Variants in MTR observed in about 807,000 individuals in gnomAD.
The protein encoded by MTR is methionine synthase.
MTR carries 84 observed loss-of-function variants against 154.8 expected under a neutral mutation model. The ratio of observed to expected loss-of-function variants is 0.54; its 90% CI spans 0.45 to 0.65. The LOEUF is 0.65. MTR is among the 30% of genes least tolerant of loss of function. The pLI is 0.00. For synonymous variants in MTR, 554 were observed against 553.9 expected (o/e 1.00, Z 0.00); for missense variants, 1,275 against 1,570.2 (o/e 0.81, Z 3.18).
intron 29 of MTR, among the ~76,000 whole-genome samples, chr1:236,893,347 G>A (rs1224431538): frequency 6.6e-6 from 1 of 152,206 alleles, no homozygotes; most frequent in Non-Finnish European, 1.5e-5. Context: ...GCAACGAGCT[G>A]TGAAGTGTGT....
intron 28 of MTR, 130 bp from the exon 29 acceptor site, chr1:236,891,003 G>A (rs1666285720): frequency 9.2e-7 from 1 of 1,088,820 alleles, no homozygotes. Flanking sequence ...ACACCAGAAA[G>A]CATTTGAGGA....
At chr1:236,807,483 A>G (rs1248728577) in intron 3 of MTR, among the ~76,000 whole-genome samples, 1 of 152,108 alleles carries the variant, frequency 6.6e-6, no homozygotes, top group Non-Finnish European at 1.5e-5. Context: ...CGGCTGTACC[A>G]TTTTACATTC....
At chr1:236,807,321 G>T (rs1429357410) in intron 3 of MTR, among the ~76,000 whole-genome samples, 1 of 152,112 alleles carries the variant, frequency 6.6e-6, no homozygotes, top group Admixed American at 6.5e-5. Context: ...CTACAGGCTT[G>T]CTCTACCATG....
rs542190421 is a variant in MTR, at chr1:236,795,367, G to T, written c.-337G>T. The T allele has an allele frequency of 1.5e-6, 2 of 1,369,430 alleles. No individual in the cohort carries two copies. Among genetic ancestry groups the T allele is most frequent in the Non-Finnish European group, 9.6e-7 (1 of 1,040,648 alleles). 84.8% of individuals were successfully genotyped at this position (1,369,430 alleles called of 1,614,324 possible). ...GGATGTCACGTCGTCCTCCTCTGCCGGTTTTCTCTTGGGTCCTTTTCCGTG... is the reference window on the plus strand; with the variant it reads ...GGATGTCACGTCGTCCTCCTCTGCCTGTTTTCTCTTGGGTCCTTTTCCGTG... On this transcript the variant is annotated 5_prime_UTR_variant, in exon 1 of 33. Transcript: ENST00000366577.
At chr1:236,808,842 C>T in intron 4 of MTR, 69 bp downstream of exon 4, 1 of 1,441,894 alleles carries the variant, frequency 6.9e-7, no homozygotes, top group South Asian at 1.1e-5. Context: ...ATGTGCTGTC[C>T]TTATTGCAGT....
intron 12 of MTR, among the ~76,000 whole-genome samples, chr1:236,831,638 C>G (rs1662618543): frequency 6.6e-6 from 1 of 152,204 alleles, no homozygotes; most frequent in Non-Finnish European, 1.5e-5. Context: ...TTGCCTCAGC[C>G]TCTTGGTTAA....
chr1:236,836,352 T>G (rs1420623907), intron 14 of MTR, among the ~76,000 whole-genome samples: 1 of 151,976 alleles, frequency 6.6e-6, no homozygotes, highest in Middle Eastern at 3.2e-3. Flanking sequence ...ACCTCAGGCT[T>G]CTCCCACTTC....
chr1:236,896,877 T>C, intron 31 of MTR, 129 bp from the exon 32 acceptor site: 1 of 778,856 alleles, frequency 1.3e-6, no homozygotes, highest in Non-Finnish European at 2.3e-6. Context: ...CTGTGTCATG[T>C]GTCTACCTAG....
chr1:236,897,664 T>G lies in MTR; in HGVS notation c.*20T>G. ...GACTAACTTTTTTTTTTTTTTTGCC[T>G]TTTTTATTCTTGATGATCCTCAAGG... is the stretch of plus-strand genomic sequence containing the variant. On this transcript the variant is annotated 3_prime_UTR_variant, in exon 33 of 33. Coordinates refer to ENST00000366577, the MANE Select transcript of MTR (RefSeq NM_000254.3). 3 of 1,573,058 alleles carry G rather than the reference T, an allele frequency of 1.9e-6. No individual in the cohort carries two copies. Among genetic ancestry groups the G allele is most frequent in the Non-Finnish European group, 2.6e-6 (3 of 1,143,904 alleles).
chr1:236,809,686 G>T (rs974464523), intron 4 of MTR, among the ~76,000 whole-genome samples: 1 of 152,254 alleles, frequency 6.6e-6, no homozygotes, highest in African/African-American at 2.4e-5. Flanking sequence ...GAATATTTGG[G>T]CCTGTAACCT....
At chr1:236,835,708 A>T in intron 14 of MTR, 21 bp downstream of exon 14, 1 of 1,613,478 alleles carries the variant, frequency 6.2e-7, no homozygotes, top group South Asian at 1.1e-5. Flanking sequence ...GTTTATGTTT[A>T]TCAGGGGGAT....
Position 236,873,832 on chromosome 1 carries a change from A to G in MTR, c.2465A>G (p.His822Arg). 2 of 1,613,982 alleles carry G rather than the reference A, an allele frequency of 1.2e-6. No homozygotes were observed. The highest frequency in any genetic ancestry group is 1.7e-6 in the Non-Finnish European group (2 of 1,179,830). The stretch of plus-strand genomic sequence containing the variant: ...AAGATACTGAAAGCTGCTCTTGACC[A>G]CAAAGCAGGTACTGTGCAACTATAC... ...CDKILKAALD[H>R]KADIIGLSGL... The change falls in exon 23 of 33, where the codon CAC becomes CGC. Residue 822 changes from histidine (H) to arginine (R), a missense_variant. His to Arg is a conservative substitution (Grantham distance 29). Coordinates refer to ENST00000366577, the MANE Select transcript of MTR (RefSeq NM_000254.3).
At chr1:236,893,779 A>T (rs1666465777) in intron 29 of MTR, among the ~76,000 whole-genome samples, 1 of 152,098 alleles carries the variant, frequency 6.6e-6, no homozygotes, top group East Asian at 1.9e-4. Flanking sequence ...AATCCTGCTG[A>T]ATTCTTGGTT....
intron 15 of MTR, among the ~76,000 whole-genome samples, chr1:236,848,556 C>G (rs766600095): frequency 6.6e-6 from 1 of 152,150 alleles, no homozygotes; most frequent in Non-Finnish European, 1.5e-5. Flanking sequence ...ACATCTCAGT[C>G]TCAACCTTAA....
intron 8 of MTR, among the ~76,000 whole-genome samples, chr1:236,817,094 T>C (rs1006196153): frequency 6.6e-6 from 1 of 152,220 alleles, no homozygotes; most frequent in Non-Finnish European, 1.5e-5. Context: ...TCTAAAGAAT[T>C]AAATTAACAT....
At chr1:236,801,673 A>G (rs1660705796) in intron 1 of MTR, among the ~76,000 whole-genome samples, 1 of 152,238 alleles carries the variant, frequency 6.6e-6, no homozygotes, top group Non-Finnish European at 1.5e-5. Context: ...ATGAGTTCCA[A>G]GGAGCTCAGA....
chr1:236,829,235 G>A lies in MTR; in HGVS notation c.1042G>A (p.Ala348Thr). 1 of 1,614,020 alleles carries A rather than the reference G, an allele frequency of 6.2e-7. No homozygotes were observed. The highest frequency in any genetic ancestry group is 1.1e-5 in the South Asian group (1 of 91,076). The change falls in exon 12 of 33, where the codon GCC (alanine) becomes ACC (threonine). Residue 348 changes from alanine to threonine, a missense_variant. Ala to Thr is a moderately conservative substitution (Grantham distance 58, BLOSUM62 0). Transcript: ENST00000366577. ...AAATTGTAAGCCTAGAGTTCCACCT[G>A]CCACTGCTTTTGAAGGACATATGTT... Reference protein sequence around the residue: ...VKNCKPRVPPATAFEGHMLLS... With the variant: ...VKNCKPRVPPTTAFEGHMLLS...
intron 14 of MTR, among the ~76,000 whole-genome samples, chr1:236,837,296 G>A (rs1415089008): frequency 2.6e-5 from 4 of 152,178 alleles, no homozygotes; most frequent in South Asian, 2.1e-4. Flanking sequence ...GTTTGGTGGC[G>A]TGGCTTAGGA....
intron 14 of MTR, 41 bp from the exon 15 acceptor site, chr1:236,838,373 C>A: frequency 6.3e-7 from 1 of 1,598,980 alleles, no homozygotes; most frequent in Non-Finnish European, 8.6e-7. Flanking sequence ...TTTATAGTGA[C>A]CTGTGGCCTC....
Sources: allele counts gnomAD v4.1 joint callset (sites outside exome capture counted in the v4.1 genomes callset), GRCh38; gene constraint gnomAD v4.1.1; transcripts MANE v1.5; gene names NCBI Gene and HGNC (gene_info 2026-07-23, HGNC 2026-07-21).